Variants in RBMS3 observed in about 807,000 individuals in gnomAD.
RBMS3 encodes RNA-binding motif, single-stranded-interacting protein 3.
Under a neutral mutation model 66.8 loss-of-function variants are expected in RBMS3, and 27 were observed. That is an observed-to-expected ratio of 0.40 (90% confidence interval 0.30 to 0.56). RBMS3 has a LOEUF of 0.56. RBMS3 is among the 20% of genes least tolerant of loss of function. The pLI, the probability that RBMS3 is intolerant of heterozygous loss-of-function variation, is 0.40. For missense variants in RBMS3, 513 were observed against 549.5 expected (o/e 0.93, Z 0.66); for synonymous variants, 188 against 183.0 (o/e 1.03, Z -0.22).
chr3:29,500,963 A>G (rs1257135621), intron 3 of RBMS3, among the ~76,000 whole-genome samples: 1 of 152,160 alleles, frequency 6.6e-6, no homozygotes, highest in Non-Finnish European at 1.5e-5. Flanking sequence ...AGTTTAATAA[A>G]ATGTAAAAAG....
chr3:29,346,235 C>T (rs1317100968), intron 1 of RBMS3, among the ~76,000 whole-genome samples: 1 of 152,114 alleles, frequency 6.6e-6, no homozygotes, highest in African/African-American at 2.4e-5. Context: ...GATGGCTTAG[C>T]ACATAGTAGG....
intron 1 of RBMS3, among the ~76,000 whole-genome samples, chr3:29,356,776 T>C (rs1360959321): frequency 6.6e-6 from 1 of 152,132 alleles, no homozygotes; most frequent in African/African-American, 2.4e-5. Context: ...AGATACCTAA[T>C]ATGACCAATG....
chr3:29,803,693 A>C lies in RBMS3; in HGVS notation c.637+40704A>C, dbSNP rs935187797. 1.1e-4 allele frequency among the ~76,000 whole-genome samples: 16 copies of C among 152,076 alleles called. 1 individual carries two copies. Among genetic ancestry groups the C allele is most frequent in the Admixed American group, 1.0e-3 (16 of 15,252 alleles). On this transcript the variant is annotated intron_variant, in intron 6 of 14. Coordinates refer to ENST00000383767, the MANE Select transcript of RBMS3 (RefSeq NM_001003793.3). ...AACATTAGATATGTAAAATGTATGC[A>C]TATAATGTGTGATGAAATATATAGA...
chr3:29,833,907 CAAAG>C (rs2058437104), intron 6 of RBMS3, among the ~76,000 whole-genome samples: 2 of 151,834 alleles, frequency 1.3e-5, no homozygotes, highest in African/African-American at 4.8e-5. Flanking sequence ...AAATCAAAGA[CAAAG>C]AGAATTTTGA....
rs1381125378 is a variant in RBMS3 at position 29,426,643 on chromosome 3, G to A, written c.76-8100G>A. Among the ~76,000 whole-genome samples, 3 of 152,320 alleles carry A rather than the reference G, an allele frequency of 2.0e-5. No individual in the cohort carries two copies. The East Asian group carries it at 5.8e-4, about 29-fold the overall frequency. ...CATCCACAATGATTGTTTCATCACA[G>A]CTTAGTTCTTAATGAAAATGGCAAA... On this transcript the variant is annotated intron_variant, in intron 1 of 14. Transcript: ENST00000383767.
chr3:29,308,722 T>C (rs968003894), intron 1 of RBMS3, among the ~76,000 whole-genome samples: 3 of 100,754 alleles, frequency 3.0e-5, no homozygotes, highest in Non-Finnish European at 6.0e-5. Context: ...CTGAAAGAAA[T>C]ATAGCATAGT....
At chr3:29,410,635 A>G (rs769179530) in intron 1 of RBMS3, among the ~76,000 whole-genome samples, 4 of 152,206 alleles carry the variant, frequency 2.6e-5, no homozygotes, top group Admixed American at 2.0e-4. Context: ...GATGCCAAAG[A>G]ATAAAATTTT....
At chr3:29,451,572 G>A (rs911998766) in intron 2 of RBMS3, among the ~76,000 whole-genome samples, 2 of 150,926 alleles carry the variant, frequency 1.3e-5, no homozygotes, top group Admixed American at 1.3e-4. Flanking sequence ...AGGATTTTGT[G>A]GTTTTTGTTT....
chr3:29,727,560 A>C (rs1473633902), intron 4 of RBMS3, among the ~76,000 whole-genome samples: 1 of 152,228 alleles, frequency 6.6e-6, no homozygotes. Flanking sequence ...ATATGAACAG[A>C]CACTTCCCAA....
intron 4 of RBMS3, among the ~76,000 whole-genome samples, chr3:29,615,616 A>G (rs975630765): frequency 6.6e-6 from 1 of 152,188 alleles, no homozygotes; most frequent in Non-Finnish European, 1.5e-5. Context: ...TTGTTGTTTT[A>G]ATTAATTACA....
intron 4 of RBMS3, among the ~76,000 whole-genome samples, chr3:29,639,721 A>C (rs1393599122): frequency 6.6e-6 from 1 of 151,866 alleles, no homozygotes. Context: ...GCATATAAAT[A>C]GAGAAGCCCA....
chr3:29,846,138 C>A (rs1171216989), intron 6 of RBMS3, among the ~76,000 whole-genome samples: 1 of 151,384 alleles, frequency 6.6e-6, no homozygotes, highest in Non-Finnish European at 1.5e-5. Context: ...GGGATGTGAT[C>A]TGATTTTTGC....
intron 1 of RBMS3, among the ~76,000 whole-genome samples, chr3:29,416,353 T>C (rs1289148725): frequency 1.6e-5 from 2 of 121,664 alleles, no homozygotes; most frequent in Non-Finnish European, 3.6e-5. Context: ...TATAATCATT[T>C]TGTATTCTTC....
chr3:29,622,303 C>T (rs866560814), intron 4 of RBMS3, among the ~76,000 whole-genome samples: 4 of 151,942 alleles, frequency 2.6e-5, no homozygotes, highest in Non-Finnish European at 4.4e-5. Flanking sequence ...TAAAAAATTT[C>T]GTGAAGAAAA....
intron 3 of RBMS3, among the ~76,000 whole-genome samples, chr3:29,551,503 CT>C (rs938641521): frequency 3.9e-5 from 6 of 152,104 alleles, no homozygotes; most frequent in African/African-American, 1.4e-4. Flanking sequence ...TGGGTAAATG[CT>C]TTAAAAATTA....
At chr3:29,385,009 C>T (rs1039047707) in intron 1 of RBMS3, among the ~76,000 whole-genome samples, 11 of 152,152 alleles carry the variant, frequency 7.2e-5, no homozygotes, top group African/African-American at 2.2e-4. Flanking sequence ...CCGAACAAAC[C>T]TCCTCATCTT....
At chr3:29,892,956 C>T (rs1015611102) in intron 8 of RBMS3, among the ~76,000 whole-genome samples, 3 of 151,256 alleles carry the variant, frequency 2.0e-5, no homozygotes, top group Non-Finnish European at 4.4e-5. Flanking sequence ...ACACATTCTG[C>T]AGTTCCCTCC....
At chr3:29,284,956 G>A (rs1284022258) in intron 1 of RBMS3, among the ~76,000 whole-genome samples, 1 of 137,350 alleles carries the variant, frequency 7.3e-6, no homozygotes, top group African/African-American at 2.7e-5. Flanking sequence ...GTGATATGTT[G>A]TAATATTTAA....
At chr3:29,394,359 G>C (rs1260506665) in intron 1 of RBMS3, among the ~76,000 whole-genome samples, 1 of 152,054 alleles carries the variant, frequency 6.6e-6, no homozygotes. Flanking sequence ...CCTTTTCAGG[G>C]TGCCCAGATT....
Sources: gnomAD v4.1 joint callset for allele counts (sites outside exome capture counted in the v4.1 genomes callset) on GRCh38, gnomAD v4.1.1 for gene constraint, MANE v1.5 for transcripts, NCBI Gene and HGNC (gene_info 2026-07-23, HGNC 2026-07-21) for gene names.